Variants in ESR1 observed in about 807,000 individuals in gnomAD.
ESR1 encodes estrogen receptor 1.
In ESR1, 12 loss-of-function variants were observed where a neutral mutation model predicts 52.7. That is an observed-to-expected ratio of 0.23 (90% CI 0.15 to 0.37). The LOEUF (loss-of-function observed/expected upper bound fraction) is 0.37. Among genes scored for constraint, ESR1 ranks in the 10% least tolerant of loss-of-function variants. The probability of loss-of-function intolerance (pLI) is 1.00; values close to 1 mark genes in which losing one functional copy is unlikely to be tolerated. For missense variants in ESR1, 584 were observed against 779.7 expected, an observed-to-expected ratio of 0.75 and a Z score of 2.99; for synonymous variants, 305 against 316.8, an observed-to-expected ratio of 0.96 and a Z score of 0.39.
At chr6:151,821,662 G>C (rs1450381349) in intron 1 of ESR1, among the ~76,000 whole-genome samples, 2 of 152,060 alleles carry the variant, frequency 1.3e-5, no homozygotes, top group Non-Finnish European at 2.9e-5. Context: ...AATGGAACTT[G>C]CATTATTTCA....
At chr6:151,684,342 T>G (rs1488532354) in intron 1 of ESR1, among the ~76,000 whole-genome samples, 1 of 152,142 alleles carries the variant, frequency 6.6e-6, no homozygotes, top group Non-Finnish European at 1.5e-5. Flanking sequence ...CTGGAGAGGT[T>G]GGCTGGAGAC....
intron 5 of ESR1, among the ~76,000 whole-genome samples, chr6:152,019,337 T>C (rs1282760230): frequency 1.3e-5 from 2 of 152,166 alleles, no homozygotes; most frequent in African/African-American, 2.4e-5. Context: ...AACAAGATTA[T>C]CAGTCGTCAA....
At chr6:151,663,521 G>C (rs1443370486) in intron 1 of ESR1, among the ~76,000 whole-genome samples, 1 of 152,156 alleles carries the variant, frequency 6.6e-6, no homozygotes, top group Non-Finnish European at 1.5e-5. Context: ...AATAATTGAA[G>C]CATGAATGCA....
At chr6:151,955,717 AT>A (rs2036827239) in intron 4 of ESR1, among the ~76,000 whole-genome samples, 1 of 152,168 alleles carries the variant, frequency 6.6e-6, no homozygotes, top group South Asian at 2.1e-4. Context: ...AGGAACTGTT[AT>A]TTAAAAAAAG....
intron 5 of ESR1, among the ~76,000 whole-genome samples, chr6:152,032,744 C>A (rs2128870868): frequency 6.6e-6 from 1 of 152,218 alleles, no homozygotes; most frequent in African/African-American, 2.4e-5. Flanking sequence ...CAATGCTATC[C>A]CCATCAAGCT....
At chr6:151,715,140 T>C (rs1043081010) in intron 2 of ESR1, among the ~76,000 whole-genome samples, 1 of 152,228 alleles carries the variant, frequency 6.6e-6, no homozygotes, top group Non-Finnish European at 1.5e-5. Context: ...AAAATTCTTT[T>C]CTTTAAGAAT....
intron 4 of ESR1, among the ~76,000 whole-genome samples, chr6:151,959,009 C>T (rs971267531): frequency 3.1e-5 from 4 of 130,460 alleles, no homozygotes; most frequent in Non-Finnish European, 3.1e-5. Context: ...TGTGTGTTTA[C>T]GGAGAGGAGT....
At chr6:151,865,818 G>A (rs945789077) in intron 2 of ESR1, among the ~76,000 whole-genome samples, 2 of 152,200 alleles carry the variant, frequency 1.3e-5, no homozygotes, top group African/African-American at 2.4e-5. Context: ...CTGGAGAGGG[G>A]AGGAAACGGA....
intron 1 of ESR1, among the ~76,000 whole-genome samples, chr6:151,663,529 GC>G (rs1169527198): frequency 6.6e-6 from 1 of 152,156 alleles, no homozygotes; most frequent in Non-Finnish European, 1.5e-5. Flanking sequence ...AAGCATGAAT[GC>G]ACTTTCTTTG....
intron 6 of ESR1, among the ~76,000 whole-genome samples, chr6:152,083,526 A>G (rs2049419538): frequency 6.6e-6 from 1 of 152,240 alleles, no homozygotes; most frequent in Non-Finnish European, 1.5e-5. Context: ...ACACAATACC[A>G]TTCAGGACAT....
intron 5 of ESR1, among the ~76,000 whole-genome samples, chr6:152,051,355 T>G (rs2046662579): frequency 6.6e-6 from 1 of 152,072 alleles, no homozygotes; most frequent in Non-Finnish European, 1.5e-5. Context: ...CCAGCACTGA[T>G]GAAAACAAAA....
downstream of ESR1, among the ~76,000 whole-genome samples, chr6:152,104,800 G>T (rs535032879): frequency 6.6e-6 from 1 of 152,244 alleles, no homozygotes; most frequent in Non-Finnish European, 1.5e-5. Flanking sequence ...GCTCCTGGTG[G>T]GCTCCTGGAT....
intron 3 of ESR1, among the ~76,000 whole-genome samples, chr6:151,931,222 C>G (rs2033551863): frequency 6.6e-6 from 1 of 151,666 alleles, no homozygotes; most frequent in Non-Finnish European, 1.5e-5. Flanking sequence ...TCTTTTGATT[C>G]TTTACATTTC....
At chr6:151,950,395 A>T (rs186694800) in intron 4 of ESR1, among the ~76,000 whole-genome samples, 182 of 152,132 alleles carry the variant, frequency 1.2e-3, no homozygotes, top group African/African-American at 4.1e-3. Context: ...TAAGTAATAG[A>T]TAGATTATGA....
chr6:151,906,179 A>T (rs554829880), intron 3 of ESR1, among the ~76,000 whole-genome samples: 4 of 152,198 alleles, frequency 2.6e-5, no homozygotes, highest in African/African-American at 7.2e-5. Context: ...AGCCACCCAC[A>T]GAAGTAGTAG....
rs113965492 is a variant in ESR1, at chr6:151,949,359, G to C, written c.1096+4851G>C. Among the ~76,000 whole-genome samples, 142 of 152,308 alleles carry C rather than the reference G, an allele frequency of 9.3e-4. 2 individuals carry two copies. Among genetic ancestry groups the C allele is most frequent in the African/African-American group, 3.3e-3 (139 of 41,560 alleles). On this transcript the variant is annotated intron_variant, in intron 4 of 7. Coordinates refer to ENST00000206249, the MANE Select transcript of ESR1 (RefSeq NM_000125.4). ...TCTACAAGGAACACACTCAATTCTG[G>C]GAGGTTCCTGTAGATTTCAGAGATT...
chr6:151,889,459 T>C (rs1794376823), intron 3 of ESR1, among the ~76,000 whole-genome samples: 1 of 152,182 alleles, frequency 6.6e-6, no homozygotes, highest in South Asian at 2.1e-4. Flanking sequence ...TAATTCATCA[T>C]AGTACTCTTA....
intron 2 of ESR1, among the ~76,000 whole-genome samples, chr6:151,712,635 C>T (rs1343026857): frequency 4.6e-5 from 7 of 152,054 alleles, no homozygotes; most frequent in Non-Finnish European, 1.0e-4. Context: ...TGATTTGGCT[C>T]TCTGTTTGTT....
rs994966922 is a variant in ESR1 at position 151,889,870 on chromosome 6, T to C, written c.760+9099T>C. 1.5e-4 allele frequency among the ~76,000 whole-genome samples: 23 copies of C among 152,174 alleles called. 1 individual carries two copies. Among genetic ancestry groups the C allele is most frequent in the Admixed American group, 1.2e-3 (18 of 15,284 alleles). On this transcript the variant is annotated intron_variant, in intron 3 of 7. Coordinates refer to ENST00000206249, the MANE Select transcript of ESR1 (RefSeq NM_000125.4). ...GTGTCCATTTTCATTTGTTTCAAGA[T>C]ATTTTTCAACTTTTCTTTTTATTTC...
Sources: gnomAD v4.1 joint callset for allele counts (sites outside exome capture counted in the v4.1 genomes callset) on GRCh38, gnomAD v4.1.1 for gene constraint, MANE v1.5 for transcripts, NCBI Gene and HGNC (gene_info 2026-07-23, HGNC 2026-07-21) for gene names.